Variants in DPH7 observed in about 807,000 individuals in gnomAD.
DPH7 encodes diphthamide biosynthesis 7.
Under a neutral mutation model 41.7 loss-of-function variants are expected in DPH7, and 44 were observed. The observed-to-expected ratio is 1.05, with a 90% CI of 0.83 to 1.36. The LOEUF (loss-of-function observed/expected upper bound fraction) is 1.36, where lower values mean the gene tolerates loss of function less well. Ranked by LOEUF, DPH7 falls within the 40% of genes most tolerant of loss-of-function variation. The pLI is 0.00. For synonymous variants in DPH7, 275 were observed against 238.0 expected (o/e 1.16, Z -1.43); for missense variants, 629 against 577.5 (o/e 1.09, Z -0.91).
At chr9:137,557,805 C>A (rs891495737) in intron 8 of DPH7, among the ~76,000 whole-genome samples, 2 of 151,720 alleles carry the variant, frequency 1.3e-5, no homozygotes, top group South Asian at 2.1e-4. Context: ...GGCGACAGAG[C>A]AAGACTCTGT....
chr9:137,578,817 G>C lies in DPH7; in HGVS notation c.-40C>G. 1 of 1,394,740 alleles carries C rather than the reference G, an allele frequency of 7.2e-7. No individual in the cohort carries two copies. Among genetic ancestry groups the C allele is most frequent in the South Asian group, 1.6e-5 (1 of 62,496 alleles). The allele number at this position is 1,394,740 out of a possible 1,614,324, so 86.4% of individuals were successfully genotyped here. ...AGGGCGCGGAGCCGGCAGTAGAGGC[G>C]GGTCGGCGGGGCCGGGCTGGGTACT... is the stretch of plus-strand genomic sequence containing the variant. On this transcript the variant is annotated 5_prime_UTR_variant, in exon 1 of 9. Coordinates refer to ENST00000277540, the MANE Select transcript of DPH7 (RefSeq NM_138778.5).
chr9:137,562,439 AAC>A (rs1381978487), intron 8 of DPH7, among the ~76,000 whole-genome samples: 1 of 152,230 alleles, frequency 6.6e-6, no homozygotes, highest in Non-Finnish European at 1.5e-5. Flanking sequence ...TACATTAAAC[AAC>A]ACACTCATAA....
Position 137,554,908 on chromosome 9 carries a change from T to C in DPH7, c.*331A>G, listed in dbSNP as rs1837200929. 4.1e-6 allele frequency: 1 copy of C among 246,556 alleles called. No homozygotes were observed. The highest frequency in any genetic ancestry group is 2.2e-5 in the African/African-American group (1 of 44,972). The allele number at this position is 246,556 out of a possible 1,614,324, so 15.3% of individuals were successfully genotyped here. A position where few individuals can be genotyped will look rare whatever the true frequency, so the allele number is the denominator to read the frequency against. On this transcript the variant is annotated 3_prime_UTR_variant, in exon 9 of 9. Coordinates refer to ENST00000277540, the MANE Select transcript of DPH7 (RefSeq NM_138778.5). ...TAAACATGTTATAAACTCGTGTTTT[T>C]CAAAAAACTTCATTTAATACAAATA...
At chr9:137,561,853 T>C (rs371542658) in intron 8 of DPH7, among the ~76,000 whole-genome samples, 6 of 152,044 alleles carry the variant, frequency 3.9e-5, no homozygotes, top group African/African-American at 1.4e-4. Flanking sequence ...GAGTTGGAGG[T>C]AGCAATAGCC....
chr9:137,559,901 ATC>A (rs1427727973), intron 8 of DPH7, among the ~76,000 whole-genome samples: 4 of 152,076 alleles, frequency 2.6e-5, no homozygotes, highest in African/African-American at 9.7e-5. Context: ...CTTTTCTTTT[ATC>A]TCTGTCTTGT....
At chr9:137,573,545 T>C (rs1325539287) in intron 5 of DPH7, among the ~76,000 whole-genome samples, 1 of 146,548 alleles carries the variant, frequency 6.8e-6, no homozygotes, top group African/African-American at 2.5e-5. Flanking sequence ...TAGCTGGACA[T>C]GGTGGCGGGT....
chr9:137,559,345 C>T (rs1341199207), intron 8 of DPH7, among the ~76,000 whole-genome samples: 4 of 152,322 alleles, frequency 2.6e-5, no homozygotes, highest in African/African-American at 9.6e-5. Context: ...GCCAGGCGGA[C>T]CATGGTCTAG....
At chr9:137,568,520 G>A (rs1839830735) in intron 5 of DPH7, among the ~76,000 whole-genome samples, 1 of 116,046 alleles carries the variant, frequency 8.6e-6, no homozygotes, top group African/African-American at 3.9e-5. Flanking sequence ...AGCTCCCCTG[G>A]GTGACTGTCT....
Position 137,565,096 on chromosome 9 carries a change from G to T in DPH7, c.699C>A (p.Phe233Leu). The T allele has an allele frequency of 6.2e-7, 1 of 1,614,078 alleles. No homozygotes were observed. Among genetic ancestry groups the T allele is most frequent in the Non-Finnish European group, 8.5e-7 (1 of 1,180,022 alleles). The change falls in exon 6 of 9, where the codon TTC (phenylalanine) becomes TTA (leucine). Residue 233 changes from phenylalanine (F) to leucine (L), a missense_variant. By Grantham distance (22) the Phe-to-Leu change is conservative (BLOSUM62 0). Transcript: ENST00000277540. ...WDTRVPGKFL[F>L]TSKRHTMGVC... ...CCTTGGGCAGTTACCTTTTGCTGGT[G>T]AAGAGAAATTTGCCGGGTACCCTGG... is the stretch of plus-strand genomic sequence containing the variant.
Position 137,577,472 on chromosome 9 carries a change from T to C in DPH7, c.285A>G (p.Lys95=). 1.9e-6 allele frequency: 3 copies of C among 1,613,900 alleles called. No homozygotes were observed. The highest frequency in any genetic ancestry group is 2.2e-5 in the East Asian group (1 of 44,884). Reference sequence around the variant, plus strand: ...CAGTGGGATTATCACAGTTATACCATTTCATGTCCAGGATTGCAGAAGTAT... The same window carrying C: ...CAGTGGGATTATCACAGTTATACCACTTCATGTCCAGGATTGCAGAAGTAT... ...RKDTSAILDM[K]WCHIPVAGHA... is the part of the protein sequence containing the mutation. Residue 95 remains lysine, a splice_region_variant and synonymous_variant, in exon 2 of 9, where the codon AAA becomes AAG. Transcript: ENST00000277540.
intron 8 of DPH7, among the ~76,000 whole-genome samples, chr9:137,560,196 G>T (rs1418051915): frequency 6.6e-6 from 1 of 152,168 alleles, no homozygotes; most frequent in Non-Finnish European, 1.5e-5. Flanking sequence ...ACAGAGAAAA[G>T]TATCAAGTAT....
intron 5 of DPH7, among the ~76,000 whole-genome samples, chr9:137,568,491 G>T (rs1588883038): frequency 2.0e-5 from 2 of 100,658 alleles, no homozygotes; most frequent in South Asian, 8.3e-4. Context: ...GCTCCCCTGG[G>T]TGACTCTGTC....
chr9:137,574,595 T>C (rs1841058992), intron 4 of DPH7, 157 bp downstream of exon 4: 3 of 863,790 alleles, frequency 3.5e-6, no homozygotes, highest in African/African-American at 3.4e-5. Flanking sequence ...GTATCTAAAA[T>C]GGGGGACCTT....
intron 3 of DPH7, chr9:137,575,401 T>C (rs1305758716): frequency 1.0e-6 from 1 of 988,448 alleles, no homozygotes; most frequent in Non-Finnish European, 1.2e-6. Context: ...ACCAAAGCCC[T>C]TTCCTGGGTT....
rs779045757 is a variant in DPH7 at position 137,564,481 on chromosome 9, G to A, written c.902C>T (p.Ala301Val). ...HPFHHHLLLA[A>V]CMHSGFKILN... ...GATCTTAAAGCCACTGTGCATGCAGGCGGCCAGGAGCAGGTGGTGGTGGAA... is the reference window on the plus strand; with the variant it reads ...GATCTTAAAGCCACTGTGCATGCAGACGGCCAGGAGCAGGTGGTGGTGGAA... Residue 301 changes from alanine (A) to valine (V), a missense_variant, in exon 8 of 9, where the codon GCC becomes GTC. Transcript: ENST00000277540. 5.6e-6 allele frequency: 9 copies of A among 1,613,980 alleles called. 1 individual carries two copies. The East Asian group carries it at 2.0e-4, about 36-fold the overall frequency.
At chr9:137,573,461 G>A (rs1237430894) in intron 5 of DPH7, among the ~76,000 whole-genome samples, 3 of 148,434 alleles carry the variant, frequency 2.0e-5, no homozygotes, top group Admixed American at 6.8e-5. Context: ...GGAGGATCAC[G>A]AGGTCAGGAG....
At chr9:137,559,784 A>T (rs1588805683) in intron 8 of DPH7, among the ~76,000 whole-genome samples, 1 of 152,020 alleles carries the variant, frequency 6.6e-6, no homozygotes, top group Non-Finnish European at 1.5e-5. Flanking sequence ...CACACTCTTT[A>T]CCCTGCCCCT....
At chr9:137,575,283 G>A (rs563824767) in intron 3 of DPH7, 21 of 993,850 alleles carry the variant, frequency 2.1e-5, no homozygotes, top group Non-Finnish European at 2.5e-5. Flanking sequence ...CAGAAGCCGC[G>A]AGCAGCCATG....
chr9:137,559,011 C>T (rs1204873409), intron 8 of DPH7, among the ~76,000 whole-genome samples: 2 of 152,034 alleles, frequency 1.3e-5, no homozygotes, highest in Admixed American at 1.3e-4. Context: ...GGCACCGAGG[C>T]AAGAGACCGA....
Sources: gnomAD v4.1 joint callset for allele counts (sites outside exome capture counted in the v4.1 genomes callset) on GRCh38, gnomAD v4.1.1 for gene constraint, MANE v1.5 for transcripts, NCBI Gene and HGNC (gene_info 2026-07-23, HGNC 2026-07-21) for gene names.